SLC24A2: variants seen among roughly 807,000 people sequenced by gnomAD.
SLC24A2 encodes solute carrier family 24 member 2.
Under a neutral mutation model 62.0 loss-of-function variants are expected in SLC24A2, and 36 were observed. The observed-to-expected ratio is 0.58, with a 90% CI of 0.44 to 0.77. SLC24A2 has a LOEUF of 0.77. Among genes scored for constraint, SLC24A2 ranks in the 30% least tolerant of loss-of-function variants. The pLI, the probability that SLC24A2 is intolerant of heterozygous loss-of-function variation, is 0.00. For synonymous variants in SLC24A2, 358 were observed against 294.0 expected (o/e 1.22, Z -2.23); for missense variants, 846 against 817.9 (o/e 1.03, Z -0.42).
intron 1 of SLC24A2, 144 bp from the exon 2 acceptor site, chr9:19,787,163 A>G (rs1823200158): frequency 7.3e-6 from 2 of 272,426 alleles, no homozygotes; most frequent in Non-Finnish European, 1.1e-5. Context: ...CAGTTTCCTC[A>G]TTTAAAATGG....
At chr9:20,073,762 A>G in the SLC24A2 span, among the ~76,000 whole-genome samples, 1 of 151,960 alleles carries the variant, frequency 6.6e-6, no homozygotes, top group Non-Finnish European at 1.5e-5. Context: ...CAGAAAATCT[A>G]ATGGAGAAAA....
chr9:20,080,187 G>C, the SLC24A2 span, among the ~76,000 whole-genome samples: 1 of 152,202 alleles, frequency 6.6e-6, no homozygotes, highest in Non-Finnish European at 1.5e-5. Flanking sequence ...TAAGCCAAAA[G>C]AACAAAGCTG....
chr9:19,901,721 T>A, the SLC24A2 span, among the ~76,000 whole-genome samples: 5 of 152,182 alleles, frequency 3.3e-5, no homozygotes, highest in Non-Finnish European at 7.3e-5. Context: ...GACATGAAGA[T>A]AATCAAGTGT....
chr9:19,836,547 A>G, the SLC24A2 span, among the ~76,000 whole-genome samples: 1 of 152,218 alleles, frequency 6.6e-6, no homozygotes, highest in Non-Finnish European at 1.5e-5. Flanking sequence ...GAATCTCTGA[A>G]TAGACCAATA....
the SLC24A2 span, among the ~76,000 whole-genome samples, chr9:20,104,129 T>C: frequency 2.5e-4 from 38 of 151,674 alleles, no homozygotes; most frequent in Middle Eastern, 3.4e-3. Flanking sequence ...TGAAATGAAG[T>C]GAGAAGGGAA....
At chr9:19,542,269 T>A (rs778914992) in intron 8 of SLC24A2, among the ~76,000 whole-genome samples, 1 of 152,228 alleles carries the variant, frequency 6.6e-6, no homozygotes, top group Admixed American at 6.5e-5. Flanking sequence ...TATGAATGCT[T>A]GTGATTTTTT....
At chr9:20,211,146 C>T in the SLC24A2 span, among the ~76,000 whole-genome samples, 8 of 151,906 alleles carry the variant, frequency 5.3e-5, 1 homozygote, top group African/African-American at 1.7e-4. Flanking sequence ...TAAGCATTTG[C>T]TATCCTGATT....
intron 7 of SLC24A2, among the ~76,000 whole-genome samples, chr9:19,561,272 C>T (rs568854765): frequency 6.6e-6 from 1 of 151,650 alleles, no homozygotes; most frequent in Non-Finnish European, 1.5e-5. Flanking sequence ...CTACTCTGTT[C>T]TTATCCTCTA....
the SLC24A2 span, among the ~76,000 whole-genome samples, chr9:19,919,752 G>C: frequency 6.6e-6 from 1 of 152,154 alleles, no homozygotes; most frequent in Non-Finnish European, 1.5e-5. Flanking sequence ...TCACATGATG[G>C]CAGCAGGGAG....
chr9:19,976,861 A>C, the SLC24A2 span, among the ~76,000 whole-genome samples: 1 of 152,144 alleles, frequency 6.6e-6, no homozygotes, highest in Non-Finnish European at 1.5e-5. Flanking sequence ...TACAACTCTG[A>C]ATGAAAGATG....
the SLC24A2 span, among the ~76,000 whole-genome samples, chr9:20,274,895 C>T: frequency 3.3e-5 from 5 of 152,050 alleles, no homozygotes; most frequent in African/African-American, 1.2e-4. Context: ...GTCACTGTGC[C>T]TCTCCCAGCC....
intron 5 of SLC24A2, among the ~76,000 whole-genome samples, chr9:19,582,152 A>C (rs572977652): frequency 2.0e-5 from 3 of 152,308 alleles, no homozygotes; most frequent in African/African-American, 7.2e-5. Context: ...AGATCCAAGC[A>C]TAAGAGCTGA....
chr9:20,065,590 T>TTA, the SLC24A2 span, among the ~76,000 whole-genome samples: 1 of 152,238 alleles, frequency 6.6e-6, no homozygotes, highest in Non-Finnish European at 1.5e-5. Context: ...ACCTACATTG[T>TTA]TATACCTACA....
At chr9:19,560,908 T>A (rs1032657956) in intron 7 of SLC24A2, among the ~76,000 whole-genome samples, 1 of 58,806 alleles carries the variant, frequency 1.7e-5, no homozygotes, top group African/African-American at 7.5e-5. Context: ...TATATATATA[T>A]ATATATATAG....
In SLC24A2 at chr9:19,515,056, C is replaced by T. The variant is rs1589113732; in HGVS notation, c.*1097G>A. On this transcript the variant is annotated 3_prime_UTR_variant, in exon 11 of 11. Coordinates refer to ENST00000341998, the MANE Select transcript of SLC24A2 (RefSeq NM_020344.4). ...ACTTCTTATTGCACATCTAGGCTCT[C>T]TTGGCAGCCCTTAGCATCAAAATAT... The T allele has an allele frequency of 6.6e-6, 1 of 152,198 alleles. No homozygotes were observed. The highest frequency in any genetic ancestry group is 2.1e-4 in the South Asian group (1 of 4,830). The allele number at this position is 152,198 out of a possible 1,614,324, so 9.4% of individuals were successfully genotyped here.
At chr9:19,533,044 T>C (rs1450976064) in intron 8 of SLC24A2, among the ~76,000 whole-genome samples, 2 of 152,232 alleles carry the variant, frequency 1.3e-5, no homozygotes, top group South Asian at 2.1e-4. Context: ...GTAAAGCCCA[T>C]ATTAATTATG....
chr9:20,276,793 G>C, the SLC24A2 span, among the ~76,000 whole-genome samples: 1 of 152,136 alleles, frequency 6.6e-6, no homozygotes, highest in Non-Finnish European at 1.5e-5. Context: ...GTATACCTGT[G>C]GGCCCAACAC....
At chr9:19,951,563 T>C in the SLC24A2 span, among the ~76,000 whole-genome samples, 3 of 7,092 alleles carry the variant, frequency 4.2e-4, no homozygotes, top group Non-Finnish European at 1.8e-3. Flanking sequence ...CAAGATTTAT[T>C]TTTTTTTTCT....
intron 2 of SLC24A2, among the ~76,000 whole-genome samples, chr9:19,741,920 T>C (rs988077244): frequency 9.2e-5 from 14 of 152,228 alleles, no homozygotes; most frequent in African/African-American, 2.7e-4. Flanking sequence ...AAAATATGAC[T>C]ATTGAAAATT....
Sources: gnomAD v4.1 joint callset for allele counts (sites outside exome capture counted in the v4.1 genomes callset) on GRCh38, gnomAD v4.1.1 for gene constraint, MANE v1.5 for transcripts, NCBI Gene and HGNC (gene_info 2026-07-23, HGNC 2026-07-21) for gene names.